The following ALK variants were observed in gnomAD, a reference collection of about 807,000 sequenced individuals.
ALK encodes the protein ALK tyrosine kinase receptor.
A neutral mutation model predicts 163.1 loss-of-function variants in ALK; 74 were observed. That is an observed-to-expected ratio of 0.45 (90% CI 0.38 to 0.55). ALK has a LOEUF of 0.55. Among genes scored for constraint, ALK ranks in the 20% least tolerant of loss-of-function variants. ALK has a pLI of 0.00. For synonymous variants in ALK, 960 were observed against 843.2 expected (o/e 1.14, Z -2.40); for missense variants, 2,063 against 2,105.3 (o/e 0.98, Z 0.39).
At chr2:29,468,570 C>T (rs57911623) in intron 4 of ALK, among the ~76,000 whole-genome samples, 19 of 152,076 alleles carry the variant, frequency 1.2e-4, no homozygotes, top group Non-Finnish European at 2.4e-4. Context: ...GAATAGCCAG[C>T]TCAGCTCAGT....
intron 3 of ALK, among the ~76,000 whole-genome samples, chr2:29,602,151 G>T (rs1319603508): frequency 6.6e-6 from 1 of 152,084 alleles, no homozygotes; most frequent in Non-Finnish European, 1.5e-5. Flanking sequence ...TTGATATTTT[G>T]CCAGCAGGAT....
At chr2:29,553,853 C>T (rs559781060) in intron 3 of ALK, among the ~76,000 whole-genome samples, 1 of 152,112 alleles carries the variant, frequency 6.6e-6, no homozygotes, top group Non-Finnish European at 1.5e-5. Context: ...TGCTTCTCAT[C>T]TTTTGTGAAT....
intron 4 of ALK, among the ~76,000 whole-genome samples, chr2:29,445,688 G>A (rs1300145174): frequency 6.6e-6 from 1 of 152,200 alleles, no homozygotes; most frequent in Non-Finnish European, 1.5e-5. Flanking sequence ...CGGGTGTGGT[G>A]GCAGATGCCT....
intron 3 of ALK, among the ~76,000 whole-genome samples, chr2:29,541,873 C>T (rs1673422423): frequency 6.6e-6 from 1 of 152,162 alleles, no homozygotes; most frequent in Non-Finnish European, 1.5e-5. Context: ...TATTTGAAAG[C>T]TGCTACCGTG....
intron 1 of ALK, among the ~76,000 whole-genome samples, chr2:29,885,055 G>A (rs80050069): frequency 0.055 from 8,319 of 152,242 alleles, 324 homozygotes; most frequent in Middle Eastern, 0.099. Flanking sequence ...AAAAGCGACA[G>A]GTTTGGAGTT....
intron 3 of ALK, among the ~76,000 whole-genome samples, chr2:29,571,192 C>G (rs1371455275): frequency 6.6e-6 from 1 of 152,158 alleles, no homozygotes; most frequent in Non-Finnish European, 1.5e-5. Flanking sequence ...ACAAAGAAGT[C>G]AGAGATAAAC....
At chr2:29,456,589 C>T (rs977565354) in intron 4 of ALK, among the ~76,000 whole-genome samples, 2 of 152,064 alleles carry the variant, frequency 1.3e-5, no homozygotes, top group Non-Finnish European at 2.9e-5. Context: ...TCAACTGGTA[C>T]AGAATTACAG....
chr2:29,281,422 A>G (rs1357887540), intron 9 of ALK, among the ~76,000 whole-genome samples: 3 of 152,176 alleles, frequency 2.0e-5, no homozygotes, highest in Non-Finnish European at 4.4e-5. Context: ...TGTGTTGCCT[A>G]AGAACGTGGC....
At chr2:29,525,681 T>G (rs1431250518) in intron 4 of ALK, among the ~76,000 whole-genome samples, 1 of 150,082 alleles carries the variant, frequency 6.7e-6, no homozygotes, top group South Asian at 2.1e-4. Flanking sequence ...TCCCAGCTAC[T>G]CAGGAGGCTG....
rs562231606 is a variant in ALK at position 29,228,548 on chromosome 2, T to G, written c.2815+336A>C. On this transcript the variant is annotated intron_variant, in intron 16 of 28. Transcript: ENST00000389048. ...CAAACCAGCCCCTTCAGGAGCTGGC[T>G]TGGCCAGGCCATCCAAGGGAGGCTG... Among the ~76,000 whole-genome samples, 56 of 152,232 alleles carry G rather than the reference T, an allele frequency of 3.7e-4. 2 individuals are homozygous for G. The highest frequency in any genetic ancestry group is 3.6e-3 in the Admixed American group (55 of 15,298).
chr2:29,456,120 G>A (rs1670946016), intron 4 of ALK, among the ~76,000 whole-genome samples: 1 of 152,188 alleles, frequency 6.6e-6, no homozygotes, highest in African/African-American at 2.4e-5. Flanking sequence ...ATTGCTGCTG[G>A]GAATGTAAAA....
chr2:29,581,791 C>T (rs897724009), intron 3 of ALK, among the ~76,000 whole-genome samples: 1 of 152,062 alleles, frequency 6.6e-6, no homozygotes, highest in Admixed American at 6.6e-5. Context: ...TCTTTCTTTC[C>T]AAATTGGAAA....
At position 29,220,941 on chromosome 2, in the gene ALK, T is replaced by C. The variant is rs767469849; in HGVS notation, c.3516-106A>G. 5.4e-6 allele frequency: 8 copies of C among 1,486,420 alleles called. 1 individual carries two copies. The Middle Eastern group carries it at 6.9e-4, about 128-fold the overall frequency. 92.1% of individuals were successfully genotyped at this position (1,486,420 alleles called of 1,614,324 possible). On this transcript the variant is annotated intron_variant, in intron 22 of 28. Transcript: ENST00000389048. ...AGTTACATTTTCAGCAGCTACAATG[T>C]ATAAAGGCATTCTGTAAACATGGGC... is the stretch of plus-strand genomic sequence containing the variant.
intron 6 of ALK, 88 bp downstream of exon 6, chr2:29,328,262 C>T: frequency 6.3e-7 from 1 of 1,596,194 alleles, no homozygotes; most frequent in Non-Finnish European, 8.6e-7. Context: ...GGAAGGCTGT[C>T]CATGCTCTCA....
intron 3 of ALK, among the ~76,000 whole-genome samples, 200 bp downstream of exon 3, chr2:29,694,650 T>G (rs1348365965): frequency 6.6e-6 from 1 of 152,146 alleles, no homozygotes; most frequent in Non-Finnish European, 1.5e-5. Flanking sequence ...AGAATAAAGG[T>G]TTGGGCTGAT....
At chr2:29,410,425 G>T (rs114376556) in intron 4 of ALK, among the ~76,000 whole-genome samples, 3 of 152,136 alleles carry the variant, frequency 2.0e-5, no homozygotes, top group Non-Finnish European at 2.9e-5. Context: ...TACTTTTTAC[G>T]TATATTGATT....
intron 4 of ALK, among the ~76,000 whole-genome samples, chr2:29,414,532 G>A (rs1669819591): frequency 6.6e-6 from 1 of 152,158 alleles, no homozygotes; most frequent in African/African-American, 2.4e-5. Context: ...TCAGATGGTT[G>A]TGTTATTTGG....
At chr2:29,657,159 G>A (rs1558428623) in intron 3 of ALK, among the ~76,000 whole-genome samples, 1 of 152,110 alleles carries the variant, frequency 6.6e-6, no homozygotes, top group East Asian at 1.9e-4. Flanking sequence ...GGACACAAAA[G>A]TCTTAAAGGA....
intron 3 of ALK, among the ~76,000 whole-genome samples, chr2:29,686,495 C>A (rs1397168859): frequency 6.6e-6 from 1 of 152,184 alleles, no homozygotes; most frequent in African/African-American, 2.4e-5. Flanking sequence ...CTAAGCCTTG[C>A]CTTAGAGCAG....
Sources: allele counts gnomAD v4.1 joint callset (sites outside exome capture counted in the v4.1 genomes callset), GRCh38; gene constraint gnomAD v4.1.1; transcripts MANE v1.5; gene names NCBI Gene and HGNC (gene_info 2026-07-23, HGNC 2026-07-21).